Variants in PJA2 observed in about 807,000 individuals in gnomAD.
PJA2 encodes praja ring finger ubiquitin ligase 2.
Under a neutral mutation model 69.3 loss-of-function variants are expected in PJA2, and 25 were observed. The ratio of observed to expected loss-of-function variants is 0.36; its 90% CI spans 0.26 to 0.50. The LOEUF (loss-of-function observed/expected upper bound fraction) is 0.50. Among genes scored for constraint, PJA2 ranks in the 20% least tolerant of loss-of-function variants. The probability of loss-of-function intolerance (pLI) is 0.96; values close to 1 mark genes in which losing one functional copy is unlikely to be tolerated. For missense variants in PJA2, 809 were observed against 830.2 expected, an observed-to-expected ratio of 0.97 and a Z score of 0.31; for synonymous variants, 308 against 277.8, an observed-to-expected ratio of 1.11 and a Z score of -1.08.
intron 7 of PJA2, among the ~76,000 whole-genome samples, chr5:109,355,376 T>C (rs1762397211): frequency 6.6e-6 from 1 of 152,156 alleles, no homozygotes; most frequent in Admixed American, 6.5e-5. Context: ...CTTAGGCAAA[T>C]ACATTTAAGA....
chr5:109,369,016 C>T lies in PJA2; in HGVS notation c.1284-270G>A, dbSNP rs146886638. Among the ~76,000 whole-genome samples, 525 of 152,112 alleles carry T rather than the reference C, an allele frequency of 3.5e-3. 13 individuals are homozygous for T. Among genetic ancestry groups the T allele is most frequent in the Admixed American group, 0.025 (385 of 15,286 alleles). ...TGTTTAAAAGTGTGTGGCACCTCCC[C>T]CCTCATTCTTTCTTACACCTGCTCC... On this transcript the variant is annotated intron_variant, in intron 4 of 9. Coordinates refer to ENST00000361189, the MANE Select transcript of PJA2 (RefSeq NM_014819.5).
chr5:109,380,380 G>C (rs1747014567), intron 3 of PJA2, among the ~76,000 whole-genome samples: 1 of 152,120 alleles, frequency 6.6e-6, no homozygotes, highest in South Asian at 2.1e-4. Context: ...ATGGTACATG[G>C]ATAGCTGCAA....
chr5:109,400,009 G>A (rs1019333900), intron 1 of PJA2, among the ~76,000 whole-genome samples: 2 of 152,100 alleles, frequency 1.3e-5, no homozygotes, highest in African/African-American at 2.4e-5. Flanking sequence ...GATAAATCAG[G>A]CCAGGCTCAG....
At chr5:109,392,772 G>GT (rs1052226401) in intron 1 of PJA2, among the ~76,000 whole-genome samples, 4 of 152,044 alleles carry the variant, frequency 2.6e-5, no homozygotes, top group Non-Finnish European at 4.4e-5. Flanking sequence ...GACAAGATAC[G>GT]TTTTTTCACT....
In PJA2 at chr5:109,380,749, G is replaced by A. The variant is rs149109591; in HGVS notation, c.232+754C>T. On this transcript the variant is annotated intron_variant, in intron 3 of 9. Transcript: ENST00000361189. ...GAACCCAGGAGGTGGAGGCTGCAGG[G>A]AGCCCAGATCACGTCACTGCACACC... Among the ~76,000 whole-genome samples the A allele has an allele frequency of 2.5e-3, 368 of 147,778 alleles. 2 individuals are homozygous for A. The highest frequency in any genetic ancestry group is 8.4e-3 in the African/African-American group (338 of 40,098).
intron 1 of PJA2, among the ~76,000 whole-genome samples, chr5:109,406,035 A>G (rs918867983): frequency 8.3e-5 from 12 of 144,074 alleles, no homozygotes; most frequent in Non-Finnish European, 1.6e-4. Flanking sequence ...CAATAAGACA[A>G]ACCCATTTTT....
intron 4 of PJA2, among the ~76,000 whole-genome samples, chr5:109,372,905 C>CACAAAAAAAAAAAAAAAAAAAAAAAAA: frequency 2.8e-5 from 1 of 35,706 alleles, no homozygotes. Context: ...CACTCCGTCT[C>CACAAAAAAAAAAAAAAAAAAAAAAAAA]AAAAAAAAAA....
chr5:109,362,767 G>C, intron 6 of PJA2, 73 bp downstream of exon 6: 1 of 1,371,062 alleles, frequency 7.3e-7, no homozygotes, highest in Non-Finnish European at 9.9e-7. Context: ...AGCTAGCAGA[G>C]ATTTAATTTT....
At chr5:109,383,258 A>G in intron 2 of PJA2, 145 bp downstream of exon 2, 1 of 588,090 alleles carries the variant, frequency 1.7e-6, no homozygotes. Flanking sequence ...TTAGAAACTA[A>G]GCTTTACAAA....
rs1480595439 is a variant in PJA2 at position 109,362,822 on chromosome 5, T to G, written c.1652+18A>C. 3 of 1,558,480 alleles carry G rather than the reference T, an allele frequency of 1.9e-6. No homozygotes were observed. The highest frequency in any genetic ancestry group is 2.6e-6 in the Non-Finnish European group (3 of 1,141,976). On this transcript the variant is annotated intron_variant, in intron 6 of 9. Transcript: ENST00000361189. Reference sequence around the variant, plus strand: ...CTCAGAGCCTAATTAAGCATCCTAATAAAATCGTGCTACATACCTCCAATC... The same window carrying G: ...CTCAGAGCCTAATTAAGCATCCTAAGAAAATCGTGCTACATACCTCCAATC...
intron 7 of PJA2, among the ~76,000 whole-genome samples, chr5:109,349,275 T>C (rs1397662197): frequency 1.3e-5 from 2 of 152,238 alleles, no homozygotes; most frequent in African/African-American, 4.8e-5. Flanking sequence ...TGTGAAAATC[T>C]GGGCTGTTTA....
chr5:109,355,261 A>G (rs1762395402), intron 7 of PJA2, among the ~76,000 whole-genome samples: 2 of 152,128 alleles, frequency 1.3e-5, no homozygotes, highest in Admixed American at 6.6e-5. Flanking sequence ...TTCTGTACCT[A>G]TATTTTGGAA....
rs373333425 is a variant in PJA2, at chr5:109,341,104, G to A, written c.2001+3086C>T. Among the ~76,000 whole-genome samples, 10 of 93,880 alleles carry A rather than the reference G, an allele frequency of 1.1e-4. 1 individual carries two copies. Among genetic ancestry groups the A allele is most frequent in the South Asian group, 3.9e-4 (1 of 2,546 alleles). 61.6% of individuals were successfully genotyped at this position (93,880 alleles called of 152,430 possible). A position where few individuals can be genotyped will look rare whatever the true frequency, so the allele number is the denominator to read the frequency against. On this transcript the variant is annotated intron_variant, in intron 9 of 9. Transcript: ENST00000361189. ...GAGCGTCTCTGCCTGGCCACCCATC[G>A]TCTGGGATGTGAGGAGCCCCTCTGC...
upstream of PJA2, chr5:109,409,974 TGGCGGCGGC>T (rs1478390887): frequency 9.1e-6 from 2 of 219,020 alleles, no homozygotes; most frequent in Non-Finnish European, 1.8e-5. Flanking sequence ...GCGGCGGCGG[TGGCGGCGGC>T]GGAAGCAGAG....
At position 109,409,830 on chromosome 5, in the gene PJA2, A is replaced by C. The variant is rs1747790865; in HGVS notation, c.-88+12T>G. ...ACAAGCCAGACTGAAAAAAAAAAAA[A>C]AAAACCCTCACCGAAATGTGCAGCG... On this transcript the variant is annotated intron_variant, in intron 1 of 9. Transcript: ENST00000361189. 1 of 156,242 alleles carries C rather than the reference A, an allele frequency of 6.4e-6. No homozygotes were observed. The highest frequency in any genetic ancestry group is 2.4e-5 in the African/African-American group (1 of 41,282). The allele number at this position is 156,242 out of a possible 1,614,324, so 9.7% of individuals were successfully genotyped here.
At chr5:109,356,650 A>G in intron 6 of PJA2, among the ~76,000 whole-genome samples, 1 of 152,158 alleles carries the variant, frequency 6.6e-6, no homozygotes, top group East Asian at 1.9e-4. Flanking sequence ...TGATAAAGAA[A>G]ATAACCATAT....
chr5:109,371,879 T>C (rs1762679979), intron 4 of PJA2, among the ~76,000 whole-genome samples: 1 of 152,218 alleles, frequency 6.6e-6, no homozygotes, highest in Non-Finnish European at 1.5e-5. Flanking sequence ...TATGAAAACC[T>C]CTCTATGCCT....
intron 1 of PJA2, among the ~76,000 whole-genome samples, chr5:109,398,324 C>G (rs1033322469): frequency 6.6e-6 from 1 of 152,214 alleles, no homozygotes. Flanking sequence ...GACACATGCA[C>G]ACGTATGTTT....
intron 9 of PJA2, 117 bp from the exon 10 acceptor site, chr5:109,337,473 C>A: frequency 8.7e-7 from 1 of 1,153,092 alleles, no homozygotes; most frequent in South Asian, 1.9e-5. Flanking sequence ...CAACAAAAAA[C>A]AAACTTCAAA....
Sources: allele counts gnomAD v4.1 joint callset (sites outside exome capture counted in the v4.1 genomes callset), GRCh38; gene constraint gnomAD v4.1.1; transcripts MANE v1.5; gene names NCBI Gene and HGNC (gene_info 2026-07-23, HGNC 2026-07-21).